JMJD1C: variants seen among roughly 807,000 people sequenced by gnomAD.
The protein encoded by JMJD1C is jumonji domain containing 1C, also known as jumonji domain-containing protein 1C.
In JMJD1C, 31 loss-of-function variants were observed where a neutral mutation model predicts 245.3. The observed-to-expected ratio is 0.13, with a 90% CI of 0.09 to 0.17. JMJD1C has a LOEUF of 0.17. JMJD1C is among the 10% of genes least tolerant of loss of function. JMJD1C has a pLI of 1.00. For synonymous variants in JMJD1C, 1,057 were observed against 1,017.4 expected, an observed-to-expected ratio of 1.04 and a Z score of -0.74; for missense variants, 2,691 against 3,000.2, an observed-to-expected ratio of 0.90 and a Z score of 2.41.
chr10:63,268,502 T>C (rs1161248010), intron 2 of JMJD1C, among the ~76,000 whole-genome samples: 1 of 152,176 alleles, frequency 6.6e-6, no homozygotes, highest in Admixed American at 6.5e-5. Context: ...ACAAACACAA[T>C]AAACCTTTTT....
chr10:63,518,946 A>AATG (rs1955114099), intron 1 of JMJD1C, among the ~76,000 whole-genome samples: 1 of 152,204 alleles, frequency 6.6e-6, no homozygotes, highest in Non-Finnish European at 1.5e-5. Flanking sequence ...TTCTGTTACC[A>AATG]ATGACCTATG....
chr10:63,214,203 G>C lies in JMJD1C; in HGVS notation c.1964C>G (p.Ser655Cys). 1.9e-6 allele frequency: 3 copies of C among 1,614,000 alleles called. No homozygotes were observed. Among genetic ancestry groups the C allele is most frequent in the Non-Finnish European group, 2.5e-6 (3 of 1,179,990 alleles). The stretch of plus-strand genomic sequence containing the variant: ...CACATAAGTGGCCTTAGACTTTACA[G>C]AATCAGGAGAATGAGTTATTTTGGG... ...VKPKITHSPD[S>C]VKSKATYVNS... Residue 655 changes from serine to cysteine, a missense_variant, in exon 8 of 26, where the codon TCT becomes TGT. By Grantham distance (112) the Ser-to-Cys change is moderately radical (BLOSUM62 -1). Transcript: ENST00000399262.
At chr10:63,433,576 CTTTT>C (rs1261411007) in intron 1 of JMJD1C, among the ~76,000 whole-genome samples, 6 of 143,574 alleles carry the variant, frequency 4.2e-5, no homozygotes, top group African/African-American at 1.3e-4. Flanking sequence ...GTACTCTTTT[CTTTT>C]CTTTTCTTTT....
At chr10:63,187,222 C>T (rs1165419443) in intron 18 of JMJD1C, among the ~76,000 whole-genome samples, 1 of 151,774 alleles carries the variant, frequency 6.6e-6, no homozygotes, top group African/African-American at 2.4e-5. Flanking sequence ...TTCAATGAGC[C>T]AATAATATAT....
At chr10:63,501,947 T>C (rs552327934) in intron 1 of JMJD1C, among the ~76,000 whole-genome samples, 1 of 152,140 alleles carries the variant, frequency 6.6e-6, no homozygotes, top group Admixed American at 6.5e-5. Context: ...AGACTTCATT[T>C]TGGTATTTAA....
chr10:63,310,009 TGTATTTCTCTATATCA>T (rs1439968799), intron 2 of JMJD1C, among the ~76,000 whole-genome samples: 1 of 152,208 alleles, frequency 6.6e-6, no homozygotes, highest in African/African-American at 2.4e-5. Flanking sequence ...AATAATTAGC[TGTATTTCTCTATATCA>T]GTATTTACCA....
chr10:63,322,398 T>C (rs980674091), intron 2 of JMJD1C, among the ~76,000 whole-genome samples: 1 of 152,088 alleles, frequency 6.6e-6, no homozygotes, highest in Non-Finnish European at 1.5e-5. Context: ...GCGCAAGAGA[T>C]GGAAAGTGAC....
intron 11 of JMJD1C, among the ~76,000 whole-genome samples, chr10:63,199,325 C>T (rs1845774190): frequency 1.3e-5 from 2 of 152,070 alleles, no homozygotes; most frequent in Admixed American, 1.3e-4. Flanking sequence ...GGCAAAATTG[C>T]CATTCTCTTA....
chr10:63,275,129 G>A (rs1015758460), intron 2 of JMJD1C, among the ~76,000 whole-genome samples: 12 of 152,236 alleles, frequency 7.9e-5, no homozygotes, highest in African/African-American at 2.6e-4. Flanking sequence ...ATGGACACTC[G>A]AGTCTAAGTG....
At chr10:63,521,160 G>A (rs1297450793) in intron 1 of JMJD1C, among the ~76,000 whole-genome samples, 3 of 152,144 alleles carry the variant, frequency 2.0e-5, no homozygotes, top group Non-Finnish European at 4.4e-5. Context: ...AGGTTGGTTA[G>A]AGCGCAGGGG....
intron 12 of JMJD1C, among the ~76,000 whole-genome samples, 169 bp downstream of exon 12, chr10:63,198,344 C>T (rs1845675590): frequency 6.6e-6 from 1 of 152,042 alleles, no homozygotes; most frequent in Non-Finnish European, 1.5e-5. Flanking sequence ...CTCAATTCAC[C>T]CTCTATAGGA....
chr10:63,509,551 G>A (rs886329800), intron 1 of JMJD1C, among the ~76,000 whole-genome samples: 2 of 152,136 alleles, frequency 1.3e-5, no homozygotes, highest in African/African-American at 2.4e-5. Context: ...CTTTCTGTTT[G>A]GGAAGATTAT....
intron 3 of JMJD1C, among the ~76,000 whole-genome samples, chr10:63,252,765 C>A (rs1021452159): frequency 2.0e-5 from 3 of 152,202 alleles, no homozygotes; most frequent in African/African-American, 7.2e-5. Flanking sequence ...ATTCCCCCAT[C>A]AGCTGATTCT....
chr10:63,330,138 G>A (rs997616501), intron 2 of JMJD1C, among the ~76,000 whole-genome samples: 2 of 152,178 alleles, frequency 1.3e-5, no homozygotes, highest in Non-Finnish European at 2.9e-5. Flanking sequence ...CTGACCTCAG[G>A]TGATCCACCT....
intron 1 of JMJD1C, among the ~76,000 whole-genome samples, chr10:63,488,483 C>T (rs1013666133): frequency 3.3e-5 from 5 of 151,598 alleles, no homozygotes; most frequent in Non-Finnish European, 5.9e-5. Flanking sequence ...GCTTTCCTAA[C>T]GTTTCTTGAA....
At chr10:63,427,291 G>T (rs565841203) in intron 1 of JMJD1C, 2 of 660,446 alleles carry the variant, frequency 3.0e-6, no homozygotes, top group East Asian at 7.1e-5. Flanking sequence ...CACTCCAGCC[G>T]GGACGATGGT....
intron 4 of JMJD1C, among the ~76,000 whole-genome samples, chr10:63,218,643 T>C (rs1034657592): frequency 1.3e-5 from 2 of 152,134 alleles, no homozygotes; most frequent in African/African-American, 4.8e-5. Context: ...CAATTCTGCA[T>C]AGAATGAATA....
chr10:63,519,561 A>C (rs1014476690), intron 1 of JMJD1C, among the ~76,000 whole-genome samples: 8 of 152,378 alleles, frequency 5.3e-5, no homozygotes, highest in Admixed American at 4.6e-4. Context: ...TAGACATGGT[A>C]GAGGCAGAAT....
At chr10:63,274,749 T>TTCAA (rs1000726664) in intron 2 of JMJD1C, among the ~76,000 whole-genome samples, 2 of 152,164 alleles carry the variant, frequency 1.3e-5, no homozygotes, top group African/African-American at 2.4e-5. Context: ...AGCACATTCA[T>TTCAA]TCAATCAATA....
Sources: allele counts gnomAD v4.1 joint callset (sites outside exome capture counted in the v4.1 genomes callset), GRCh38; gene constraint gnomAD v4.1.1; transcripts MANE v1.5; gene names NCBI Gene and HGNC (gene_info 2026-07-23, HGNC 2026-07-21).